Variants in MYO16 observed in about 807,000 individuals in gnomAD.
The protein encoded by MYO16 is unconventional myosin-XVI.
In MYO16, 94 loss-of-function variants were observed where a neutral mutation model predicts 205.3. That is an observed-to-expected ratio of 0.46 (90% CI 0.39 to 0.54). MYO16 has a LOEUF of 0.54. MYO16 is among the 20% of genes least tolerant of loss of function. MYO16 has a pLI of 0.00. For missense variants in MYO16, 2,315 were observed against 2,387.5 expected (o/e 0.97, Z 0.63); for synonymous variants, 988 against 954.0 (o/e 1.04, Z -0.66).
chr13:109,065,598 T>G (rs36009562), intron 27 of MYO16: 29,974 of 470,468 alleles, frequency 0.064, 1,147 homozygotes, highest in Middle Eastern at 0.085. Context: ...TTTTATATGG[T>G]CTCAGCCACC....
chr13:108,900,782 A>G (rs1337531884), intron 15 of MYO16, among the ~76,000 whole-genome samples: 2 of 152,196 alleles, frequency 1.3e-5, no homozygotes, highest in Non-Finnish European at 2.9e-5. Context: ...AAAGAACAGG[A>G]TAACAGCAAT....
chr13:109,154,757 C>T (rs980486668), intron 32 of MYO16, among the ~76,000 whole-genome samples: 8 of 151,720 alleles, frequency 5.3e-5, no homozygotes, highest in Non-Finnish European at 1.2e-4. Flanking sequence ...CATCGTGGCT[C>T]AGGACTCCTG....
chr13:108,974,278 T>C (rs1057423524), intron 20 of MYO16, among the ~76,000 whole-genome samples: 4 of 152,200 alleles, frequency 2.6e-5, no homozygotes, highest in Admixed American at 1.3e-4. Flanking sequence ...TTCATATGTC[T>C]CTGATTGATA....
chr13:108,651,274 G>C (rs188755601), intron 1 of MYO16, among the ~76,000 whole-genome samples: 17 of 152,180 alleles, frequency 1.1e-4, no homozygotes, highest in African/African-American at 4.1e-4. Flanking sequence ...AGTACACTCT[G>C]TCAGCCATAG....
chr13:109,136,533 T>C (rs924516117), intron 31 of MYO16, among the ~76,000 whole-genome samples: 2 of 152,208 alleles, frequency 1.3e-5, no homozygotes, highest in African/African-American at 4.8e-5. Flanking sequence ...TCCTCATGAT[T>C]TACTCTAGGC....
chr13:108,868,954 G>T (rs1878868007), intron 12 of MYO16, among the ~76,000 whole-genome samples: 1 of 151,352 alleles, frequency 6.6e-6, no homozygotes, highest in African/African-American at 2.4e-5. Context: ...GGGACATTAT[G>T]TTGGCACTTT....
At chr13:109,028,222 TATTAA>T (rs572397046) in intron 23 of MYO16, among the ~76,000 whole-genome samples, 192 of 149,622 alleles carry the variant, frequency 1.3e-3, no homozygotes, top group African/African-American at 4.0e-3. Context: ...CTAACTATAG[TATTAA>T]ATTAAATATA....
At chr13:109,087,083 A>G in intron 27 of MYO16, among the ~76,000 whole-genome samples, 1 of 152,188 alleles carries the variant, frequency 6.6e-6, no homozygotes, top group East Asian at 1.9e-4. Flanking sequence ...CAGATGCCAA[A>G]CTCTAGCTCT....
At chr13:108,781,203 G>A (rs768642236) in intron 4 of MYO16, among the ~76,000 whole-genome samples, 8 of 152,166 alleles carry the variant, frequency 5.3e-5, no homozygotes, top group Non-Finnish European at 1.0e-4. Flanking sequence ...AGTGGAGTGC[G>A]GTAGATTTTA....
intron 1 of MYO16, among the ~76,000 whole-genome samples, chr13:108,647,259 T>A (rs565525881): frequency 6.6e-6 from 1 of 152,242 alleles, no homozygotes; most frequent in Admixed American, 6.5e-5. Flanking sequence ...TTGTTCGAAC[T>A]CAGACTCTCC....
At chr13:108,874,203 G>GT (rs36011024) in intron 12 of MYO16, among the ~76,000 whole-genome samples, 48,707 of 151,192 alleles carry the variant, frequency 0.32, 8,220 homozygotes, top group Non-Finnish European at 0.36. Flanking sequence ...ATCCTATCAG[G>GT]TTTTTTTTTA....
At chr13:108,661,507 G>A (rs542323430) in intron 1 of MYO16, among the ~76,000 whole-genome samples, 9 of 151,964 alleles carry the variant, frequency 5.9e-5, no homozygotes, top group Non-Finnish European at 4.4e-5. Context: ...GTCTTTGTTG[G>A]ATTGGGTTAA....
Position 108,666,026 on chromosome 13 carries a change from GAGA to G in MYO16, c.172_174del (p.Lys58del). On this transcript the variant is annotated inframe_deletion, in exon 2 of 35. Transcript: ENST00000457511. Reference sequence around the variant, plus strand: ...GCAAATCAAAGCCTACTATGAGCGCGAGAAGGCTTTTCAGAAGCAGGAAGGGTT... The same window carrying G: ...GCAAATCAAAGCCTACTATGAGCGCGAGGCTTTTCAGAAGCAGGAAGGGTT... The G allele has an allele frequency of 6.2e-7, 1 of 1,614,140 alleles. No homozygotes were observed. Among genetic ancestry groups the G allele is most frequent in the Non-Finnish European group, 8.5e-7 (1 of 1,180,014 alleles).
intron 31 of MYO16, among the ~76,000 whole-genome samples, chr13:109,134,154 C>T (rs1234097872): frequency 2.0e-5 from 3 of 152,280 alleles, no homozygotes; most frequent in African/African-American, 7.2e-5. Context: ...ATAGCCCTAC[C>T]TAGTAGGACT....
At position 109,023,217 on chromosome 13, in the gene MYO16, ATATT is replaced by A. The variant is rs542834233; in HGVS notation, c.2796+3310_2796+3313del. On this transcript the variant is annotated intron_variant, in intron 23 of 34. Coordinates refer to ENST00000457511, the MANE Select transcript of MYO16 (RefSeq NM_001198950.3). ...TATATATGAATATAAATTTATGTAT[ATATT>A]TATATATTATACAGATATAAATATA... Among the ~76,000 whole-genome samples, 1,093 of 114,632 alleles carry A rather than the reference ATATT, an allele frequency of 9.5e-3. 14 individuals carry two copies. The highest frequency in any genetic ancestry group is 0.021 in the South Asian group (80 of 3,734). The allele number at this position is 114,632 out of a possible 152,430, so 75.2% of individuals were successfully genotyped here.
chr13:109,093,753 C>T (rs1223910193), intron 27 of MYO16, among the ~76,000 whole-genome samples: 1 of 152,158 alleles, frequency 6.6e-6, no homozygotes, highest in Non-Finnish European at 1.5e-5. Flanking sequence ...TCTTCCGTCG[C>T]CATTGCCTTG....
intron 1 of MYO16, among the ~76,000 whole-genome samples, chr13:108,641,770 C>T (rs1880514460): frequency 6.6e-6 from 1 of 152,130 alleles, no homozygotes; most frequent in African/African-American, 2.4e-5. Context: ...TTAGGGAATC[C>T]TAAACAAGTC....
the MYO16 span, among the ~76,000 whole-genome samples, chr13:108,537,487 A>T: frequency 5.3e-5 from 8 of 152,118 alleles, no homozygotes; most frequent in Non-Finnish European, 1.2e-4. Context: ...TTTTTGATAT[A>T]ACAATCCTTT....
At chr13:108,584,078 C>T in the MYO16 span, among the ~76,000 whole-genome samples, 246 of 152,208 alleles carry the variant, frequency 1.6e-3, 1 homozygote, top group Middle Eastern at 0.017. Flanking sequence ...CTCAGCCTCC[C>T]AAGTATCTGG....
Sources: gnomAD v4.1 joint callset for allele counts (sites outside exome capture counted in the v4.1 genomes callset) on GRCh38, gnomAD v4.1.1 for gene constraint, MANE v1.5 for transcripts, NCBI Gene and HGNC (gene_info 2026-07-23, HGNC 2026-07-21) for gene names.